The following MPG variants were observed in gnomAD, a reference collection of about 807,000 sequenced individuals.
MPG encodes N-methylpurine DNA glycosylase, also known as DNA-3-methyladenine glycosylase.
MPG carries 33 observed loss-of-function variants against 31.7 expected under a neutral mutation model. That is an observed-to-expected ratio of 1.04 (90% confidence interval 0.79 to 1.39). The LOEUF (loss-of-function observed/expected upper bound fraction) is 1.39, where lower values mean the gene tolerates loss of function less well. Among genes scored for constraint, MPG ranks in the 40% most tolerant of loss-of-function variants. MPG has a pLI of 0.00. For missense variants in MPG, 455 were observed against 415.5 expected (o/e 1.10, Z -0.83); for synonymous variants, 202 against 169.2 (o/e 1.19, Z -1.51).
rs140633156 is a variant in MPG, at chr16:82,258, G to A, written c.301-794G>A. ...AAGCCCTCCTGAATGCTCCCCCGGC[G>A]AGCATCTAAGCTCCAGTGCCCCTCC... On this transcript the variant is annotated intron_variant, in intron 2 of 3. Transcript: ENST00000356432. Among the ~76,000 whole-genome samples the A allele has an allele frequency of 2.7e-5, 4 of 150,440 alleles. 1 individual carries two copies. In the East Asian group the frequency reaches 7.8e-4, roughly 29 times the overall value.
In MPG at chr16:78,267, CGCCGGGGTCCGA is replaced by C; in HGVS notation, c.-41_-30del. 1 of 1,368,666 alleles carries C rather than the reference CGCCGGGGTCCGA, an allele frequency of 7.3e-7. No homozygotes were observed. Among genetic ancestry groups the C allele is most frequent in the Non-Finnish European group, 9.5e-7 (1 of 1,056,864 alleles). 84.8% of individuals were successfully genotyped at this position (1,368,666 alleles called of 1,614,324 possible). ...CGTGGTCGGCGGCTGCTGGGCTCCGCGCCGGGGTCCGAGTCCCACGAAGCCCCGGCCCGAGCC... is the reference window on the plus strand; with the variant it reads ...CGTGGTCGGCGGCTGCTGGGCTCCGCGTCCCACGAAGCCCCGGCCCGAGCC... On this transcript the variant is annotated 5_prime_UTR_variant, in exon 1 of 4. Coordinates refer to ENST00000356432, the MANE Select transcript of MPG (RefSeq NM_001015052.3).
chr16:78,177 C>T (rs76079375), upstream of MPG: 43,645 of 754,994 alleles, frequency 0.058, 6,794 homozygotes, highest in African/African-American at 0.46. Flanking sequence ...CTCACTGCCC[C>T]CCTTCTCCCG....
At chr16:77,409 G>A (rs140240491), upstream of MPG, among the ~76,000 whole-genome samples, 423 of 152,276 alleles carry the variant, frequency 2.8e-3, 2 homozygotes, top group African/African-American at 9.7e-3. Flanking sequence ...CCCCTCCCTA[G>A]GGGCATGGAT....
chr16:83,370 A>T (rs773453440), intron 3 of MPG, 114 bp downstream of exon 3: 4 of 1,086,662 alleles, frequency 3.7e-6, no homozygotes, highest in East Asian at 2.4e-5. Flanking sequence ...AGGAGGTGCC[A>T]CTTCCAGGCC....
At chr16:79,208 A>C in intron 1 of MPG, 2 of 1,549,838 alleles carry the variant, frequency 1.3e-6, no homozygotes, top group South Asian at 2.4e-5. Flanking sequence ...CCCTGCCCCC[A>C]GCAGCAGCCG....
At position 79,406 on chromosome 16, in the gene MPG, A is replaced by T. The variant is rs3176382; in HGVS notation, c.25-19A>T. The T allele has an allele frequency of 9.7e-5, 156 of 1,613,182 alleles. No homozygotes were observed. The African/African-American group carries it at 1.7e-3, about 17-fold the overall frequency. ...CTGTCTCCTATTCGGATGCTTATTT[A>T]TTTTTTTTCCCATTACAGTTTTGCC... On this transcript the variant is annotated intron_variant, in intron 1 of 3. Coordinates refer to ENST00000356432, the MANE Select transcript of MPG (RefSeq NM_001015052.3).
rs370616320 is a variant in MPG at position 79,599 on chromosome 16, C to T, written c.199C>T (p.Arg67Cys). The change falls in exon 2 of 4, where the codon CGC becomes TGC. Residue 67 changes from arginine to cysteine, a missense_variant. By Grantham distance (180) the Arg-to-Cys change is radical. Coordinates refer to ENST00000356432, the MANE Select transcript of MPG (RefSeq NM_001015052.3). ...ACCGCCCACCACTCCGGGCCCATAC[C>T]GCAGCATCTATTTCTCAAGCCCAAA... is the stretch of plus-strand genomic sequence containing the variant. ...LGPPTTPGPY[R>C]SIYFSSPKGH... The T allele has an allele frequency of 2.1e-5, 33 of 1,607,530 alleles. No individual in the cohort carries two copies. In the African/African-American group the frequency reaches 2.3e-4, roughly 11 times the overall value.
At chr16:83,631 C>T (rs917570613) in intron 3 of MPG, among the ~76,000 whole-genome samples, 17 of 151,754 alleles carry the variant, frequency 1.1e-4, no homozygotes, top group Non-Finnish European at 2.5e-4. Context: ...ATCCCAGCTA[C>T]TAGGGAGGCG....
At position 85,686 on chromosome 16, in the gene MPG, A is replaced by G; in HGVS notation, c.791A>G (p.Glu264Gly). ...AARVGVGHAGEWARKPLRFYV... is the reference protein window; with the variant it reads ...AARVGVGHAGGWARKPLRFYV... ...CGGGTGGGCGTCGGCCATGCAGGGG[A>G]GTGGGCCCGGAAACCCCTCCGCTTC... Residue 264 changes from glutamate (E) to glycine (G), a missense_variant, in exon 4 of 4, where the codon GAG becomes GGG. Physicochemically the swap from Glu to Gly is moderately conservative, Grantham distance 98. Coordinates refer to ENST00000356432, the MANE Select transcript of MPG (RefSeq NM_001015052.3). 1 of 1,555,968 alleles carries G rather than the reference A, an allele frequency of 6.4e-7. No homozygotes were observed. The highest frequency in any genetic ancestry group is 8.7e-7 in the Non-Finnish European group (1 of 1,148,078).
chr16:79,784 T>C, intron 2 of MPG, 84 bp downstream of exon 2: 2 of 1,452,532 alleles, frequency 1.4e-6, no homozygotes, highest in Non-Finnish European at 9.3e-7. Context: ...GCCTGCTGGA[T>C]TGGCCCTCAG....
Position 78,419 on chromosome 16 carries a change from C to A in MPG, c.24+86C>A, listed in dbSNP as rs115114525. ...AGCGCGGCCGCGGGAGCGGGAGTGC[C>A]GGGGACGGGCGTAGCGCCCACCGCC... On this transcript the variant is annotated intron_variant, in intron 1 of 3. Coordinates refer to ENST00000356432, the MANE Select transcript of MPG (RefSeq NM_001015052.3). 3.7e-3 allele frequency: 3,973 copies of A among 1,082,474 alleles called. 138 individuals are homozygous for A. The African/African-American group carries it at 0.06, about 16-fold the overall frequency. The allele number at this position is 1,082,474 out of a possible 1,614,324, so 67.1% of individuals were successfully genotyped here. A position where few individuals can be genotyped will look rare whatever the true frequency, so the allele number is the denominator to read the frequency against.
intron 1 of MPG, 143 bp downstream of exon 1, chr16:78,476 C>A: frequency 2.7e-6 from 2 of 733,898 alleles, no homozygotes; most frequent in Non-Finnish European, 3.5e-6. Context: ...AGAGCATAGG[C>A]CAAGGGCCAA....
intron 1 of MPG, 171 bp from the exon 2 acceptor site, chr16:79,254 A>G (rs952170746): frequency 2.6e-6 from 4 of 1,553,744 alleles, no homozygotes; most frequent in Admixed American, 2.0e-5. Flanking sequence ...TGAGGCCTCG[A>G]GTGTGTCAGG....
At chr16:79,887 T>C in intron 2 of MPG, 187 bp downstream of exon 2, 1 of 699,000 alleles carries the variant, frequency 1.4e-6, no homozygotes. Flanking sequence ...CTGGGAAGAA[T>C]GTAGAGATTG....
chr16:85,030 C>T (rs1898385128), intron 3 of MPG, among the ~76,000 whole-genome samples: 1 of 152,234 alleles, frequency 6.6e-6, no homozygotes, highest in South Asian at 2.1e-4. Context: ...GTCACAAGAC[C>T]AGGGGAAGCC....
intron 3 of MPG, among the ~76,000 whole-genome samples, chr16:84,113 G>A (rs1458190506): frequency 1.3e-5 from 2 of 152,182 alleles, no homozygotes; most frequent in Non-Finnish European, 2.9e-5. Context: ...GGCTCTGTGG[G>A]GGCTCAGTGA....
Position 85,789 on chromosome 16 carries a change from G to A in MPG, c.*12G>A. On this transcript the variant is annotated 3_prime_UTR_variant, in exon 4 of 4. Coordinates refer to ENST00000356432, the MANE Select transcript of MPG (RefSeq NM_001015052.3). ...ACACACAGGCCTGAGCAAAGGGCCT[G>A]CCCAGACAAGATTTTTTAATTGTTT... The A allele has an allele frequency of 6.8e-7, 1 of 1,468,224 alleles. No homozygotes were observed. The highest frequency in any genetic ancestry group is 9.0e-7 in the Non-Finnish European group (1 of 1,107,968). 90.9% of individuals were successfully genotyped at this position (1,468,224 alleles called of 1,614,324 possible).
Position 79,502 on chromosome 16 carries a change from G to A in MPG, c.102G>A (p.Gln34=), listed in dbSNP as rs150394662. 1.2e-6 allele frequency: 2 copies of A among 1,612,630 alleles called. No individual in the cohort carries two copies. Among genetic ancestry groups the A allele is most frequent in the South Asian group, 1.1e-5 (1 of 91,062 alleles). Residue 34 remains glutamine (Q), a synonymous_variant, in exon 2 of 4, where the codon CAG becomes CAA. Transcript: ENST00000356432. ...GQPHSSSDAA[Q]APAEQPHSSS... ...CACACAGCTCGTCCGACGCAGCCCAGGCACCTGCAGAGCAGCCACACAGCT... is the reference window on the plus strand; with the variant it reads ...CACACAGCTCGTCCGACGCAGCCCAAGCACCTGCAGAGCAGCCACACAGCT...
At chr16:79,302 C>A in intron 1 of MPG, 123 bp from the exon 2 acceptor site, 1 of 1,597,382 alleles carries the variant, frequency 6.3e-7, no homozygotes, top group East Asian at 2.3e-5. Flanking sequence ...GATGGTCACC[C>A]CCGCTTTGCA....
Sources: allele counts gnomAD v4.1 joint callset (sites outside exome capture counted in the v4.1 genomes callset), GRCh38; gene constraint gnomAD v4.1.1; transcripts MANE v1.5; gene names NCBI Gene and HGNC (gene_info 2026-07-23, HGNC 2026-07-21).